The following DGKI variants were observed in gnomAD, a reference collection of about 807,000 sequenced individuals.
DGKI encodes diacylglycerol kinase iota, also known as DAG kinase iota.
In DGKI, 55 loss-of-function variants were observed where a neutral mutation model predicts 147.5. That is an observed-to-expected ratio of 0.37 (90% CI 0.30 to 0.47). The LOEUF (loss-of-function observed/expected upper bound fraction) is 0.47. Among genes scored for constraint, DGKI ranks in the 20% least tolerant of loss-of-function variants. The pLI, the probability that DGKI is intolerant of heterozygous loss-of-function variation, is 1.00. For synonymous variants in DGKI, 469 were observed against 477.1 expected (o/e 0.98, Z 0.22); for missense variants, 1,007 against 1,323.8 (o/e 0.76, Z 3.71).
intron 29 of DGKI, among the ~76,000 whole-genome samples, chr7:137,409,595 G>C (rs1165845068): frequency 6.6e-6 from 1 of 152,190 alleles, no homozygotes; most frequent in Non-Finnish European, 1.5e-5. Flanking sequence ...GAAGTAGCTA[G>C]CAATTTTCCA....
At chr7:137,431,556 A>T (rs1303937294) in intron 28 of DGKI, among the ~76,000 whole-genome samples, 1 of 152,234 alleles carries the variant, frequency 6.6e-6, no homozygotes, top group Non-Finnish European at 1.5e-5. Context: ...TCCATTTGTC[A>T]TCCCAAAGAG....
intron 20 of DGKI, among the ~76,000 whole-genome samples, chr7:137,538,684 C>T (rs1817593656): frequency 6.6e-6 from 1 of 152,166 alleles, no homozygotes; most frequent in South Asian, 2.1e-4. Flanking sequence ...TAGTTCTCTG[C>T]TTCAAAAAAC....
chr7:137,588,035 G>A lies in DGKI; in HGVS notation c.1312-825C>T, dbSNP rs547178217. 1.9e-4 allele frequency among the ~76,000 whole-genome samples: 29 copies of A among 152,192 alleles called. No individual in the cohort carries two copies. In the South Asian group the frequency reaches 4.8e-3, roughly 25 times the overall value. On this transcript the variant is annotated intron_variant, in intron 12 of 32. Transcript: ENST00000614521. ...TAATGTCATACTAAAATAGTGTTTC[G>A]CAGGCCTAAGAATTGTGTAACTGTA...
At chr7:137,679,428 G>A (rs966098434) in intron 2 of DGKI, among the ~76,000 whole-genome samples, 14 of 150,004 alleles carry the variant, frequency 9.3e-5, no homozygotes, top group Non-Finnish European at 1.9e-4. Flanking sequence ...TTAATCGTAC[G>A]ATGAATAGAA....
At chr7:137,817,941 T>G (rs1201121458) in intron 1 of DGKI, among the ~76,000 whole-genome samples, 2 of 152,228 alleles carry the variant, frequency 1.3e-5, no homozygotes, top group African/African-American at 4.8e-5. Flanking sequence ...TTATCAGTCA[T>G]CCACAACCAG....
chr7:137,423,272 C>T (rs1167904382), intron 28 of DGKI, among the ~76,000 whole-genome samples: 2 of 152,166 alleles, frequency 1.3e-5, no homozygotes, highest in Non-Finnish European at 2.9e-5. Flanking sequence ...TACAGAGAAG[C>T]ACAGAGAAAG....
chr7:137,694,806 T>G (rs1823729940), intron 1 of DGKI, among the ~76,000 whole-genome samples: 1 of 152,144 alleles, frequency 6.6e-6, no homozygotes, highest in African/African-American at 2.4e-5. Flanking sequence ...CTGCCTACAA[T>G]GTAAAGGATA....
chr7:137,737,743 C>T (rs769080524), intron 1 of DGKI, among the ~76,000 whole-genome samples: 5 of 152,090 alleles, frequency 3.3e-5, no homozygotes, highest in Non-Finnish European at 7.4e-5. Flanking sequence ...TTACTATCTT[C>T]ATATAAAAGC....
chr7:137,807,107 G>C (rs938493888), intron 1 of DGKI, among the ~76,000 whole-genome samples: 6 of 152,166 alleles, frequency 3.9e-5, no homozygotes, highest in Non-Finnish European at 8.8e-5. Context: ...GTGATTACGA[G>C]ATAGTTTATT....
chr7:137,538,672 G>C (rs112639919), intron 20 of DGKI, among the ~76,000 whole-genome samples: 1 of 152,168 alleles, frequency 6.6e-6, no homozygotes, highest in Non-Finnish European at 1.5e-5. Flanking sequence ...AATGCAGTCC[G>C]ATAGTTCTCT....
At chr7:137,459,412 C>T (rs980037374) in intron 27 of DGKI, among the ~76,000 whole-genome samples, 8 of 146,256 alleles carry the variant, frequency 5.5e-5, no homozygotes, top group Non-Finnish European at 1.1e-4. Context: ...GTACTTTTTT[C>T]TTTTAAATCA....
rs553132054 is a variant in DGKI at position 137,402,577 on chromosome 7, T to C, written c.2921-5164A>G. Among the ~76,000 whole-genome samples, 4 of 152,372 alleles carry C rather than the reference T, an allele frequency of 2.6e-5. No individual in the cohort carries two copies. The East Asian group carries it at 7.7e-4, about 29-fold the overall frequency. ...ATCAATATTATATTTGTATTATATATGACGTGCCTTTTGTCACATGCATCC... is the reference window on the plus strand; with the variant it reads ...ATCAATATTATATTTGTATTATATACGACGTGCCTTTTGTCACATGCATCC... On this transcript the variant is annotated intron_variant, in intron 30 of 32. Coordinates refer to ENST00000614521, the MANE Select transcript of DGKI (RefSeq NM_001321708.2).
intron 1 of DGKI, among the ~76,000 whole-genome samples, chr7:137,777,379 C>T (rs949772075): frequency 3.3e-5 from 5 of 152,016 alleles, no homozygotes; most frequent in Non-Finnish European, 4.4e-5. Flanking sequence ...TATGCAATGC[C>T]TATATGATTA....
At chr7:137,626,041 A>G (rs548311865) in intron 6 of DGKI, among the ~76,000 whole-genome samples, 1 of 152,060 alleles carries the variant, frequency 6.6e-6, no homozygotes, top group South Asian at 2.1e-4. Flanking sequence ...ATCCTGTGTG[A>G]CTCTCCTGGG....
intron 2 of DGKI, 74 bp downstream of exon 2, chr7:137,689,820 C>A: frequency 9.4e-7 from 1 of 1,062,984 alleles, no homozygotes; most frequent in Non-Finnish European, 1.3e-6. Flanking sequence ...TTCCTTGTAA[C>A]TAGAGGAATC....
intron 23 of DGKI, among the ~76,000 whole-genome samples, chr7:137,481,457 A>G (rs1815368331): frequency 6.6e-6 from 1 of 152,148 alleles, no homozygotes; most frequent in African/African-American, 2.4e-5. Context: ...TGCAAGTGCA[A>G]TGCATTTTGC....
At chr7:137,800,556 T>C (rs952542793) in intron 1 of DGKI, among the ~76,000 whole-genome samples, 1 of 152,372 alleles carries the variant, frequency 6.6e-6, no homozygotes, top group East Asian at 1.9e-4. Context: ...GCCAGGGCTA[T>C]GCTTTCTGTA....
chr7:137,759,857 A>G (rs917006856), intron 1 of DGKI, among the ~76,000 whole-genome samples: 11 of 151,094 alleles, frequency 7.3e-5, no homozygotes, highest in Admixed American at 6.6e-5. Flanking sequence ...GCATCCTCAG[A>G]AAAAAAAACA....
chr7:137,502,171 C>T (rs184202914), intron 21 of DGKI, among the ~76,000 whole-genome samples: 8 of 152,218 alleles, frequency 5.3e-5, no homozygotes, highest in Admixed American at 2.0e-4. Flanking sequence ...AGTGTGAAAA[C>T]GGACTAATAC....
Sources: allele counts gnomAD v4.1 joint callset (sites outside exome capture counted in the v4.1 genomes callset), GRCh38; gene constraint gnomAD v4.1.1; transcripts MANE v1.5; gene names NCBI Gene and HGNC (gene_info 2026-07-23, HGNC 2026-07-21).